The following PDZK1 variants were observed in gnomAD, a reference collection of about 807,000 sequenced individuals.
PDZK1 encodes the protein Na(+)/H(+) exchange regulatory cofactor NHE-RF3.
In PDZK1, 23 loss-of-function variants were observed where a neutral mutation model predicts 38.1. The observed-to-expected ratio is 0.60, with a 90% CI of 0.43 to 0.85. The LOEUF (loss-of-function observed/expected upper bound fraction) is 0.85, where lower values mean the gene tolerates loss of function less well. PDZK1 is among the 40% of genes least tolerant of loss of function. The pLI is 0.00. For synonymous variants in PDZK1, 98 were observed against 186.2 expected (o/e 0.53, Z 3.86); for missense variants, 297 against 504.3 (o/e 0.59, Z 3.94).
rs1298919007 is a variant in PDZK1, at chr1:145,685,733, AAC to A, written c.460+742_460+743del. Among the ~76,000 whole-genome samples the A allele has an allele frequency of 2.6e-5, 4 of 152,222 alleles. No individual in the cohort carries two copies. In the East Asian group the frequency reaches 7.7e-4, roughly 29 times the overall value. Reference sequence around the variant, plus strand: ...GTGTTCAAGAAGGAATTGACCAGCTAACACAGCTCCTCTGGTTCCAACCAATA... The same window carrying A: ...GTGTTCAAGAAGGAATTGACCAGCTAACAGCTCCTCTGGTTCCAACCAATA... On this transcript the variant is annotated intron_variant, in intron 3 of 8. Coordinates refer to ENST00000417171, the MANE Select transcript of PDZK1 (RefSeq NM_001201325.2).
At chr1:145,676,395 C>T (rs1553699264) in intron 6 of PDZK1, among the ~76,000 whole-genome samples, 1 of 151,922 alleles carries the variant, frequency 6.6e-6, no homozygotes, top group East Asian at 1.9e-4. Flanking sequence ...CAAAAGCTAG[C>T]TCCCTATGGC....
intron 1 of PDZK1, among the ~76,000 whole-genome samples, chr1:145,703,002 A>G (rs1252844033): frequency 6.6e-6 from 1 of 152,184 alleles, no homozygotes; most frequent in Non-Finnish European, 1.5e-5. Context: ...ATGCATGGTC[A>G]CCCACACGAG....
chr1:145,689,691 C>G (rs1267609784), intron 1 of PDZK1, among the ~76,000 whole-genome samples: 1 of 152,194 alleles, frequency 6.6e-6, no homozygotes, highest in African/African-American at 2.4e-5. Flanking sequence ...CCTCTCATCA[C>G]AGTTCCCTAC....
At chr1:145,704,634 T>G (rs1176742878) in intron 1 of PDZK1, among the ~76,000 whole-genome samples, 1 of 152,190 alleles carries the variant, frequency 6.6e-6, no homozygotes, top group African/African-American at 2.4e-5. Context: ...GTGCTCATTT[T>G]CTTAATCACT....
chr1:145,703,577 A>G (rs2101940671), intron 1 of PDZK1, among the ~76,000 whole-genome samples: 1 of 152,052 alleles, frequency 6.6e-6, no homozygotes, highest in South Asian at 2.1e-4. Context: ...TCCACCATCT[A>G]CCCTGCCTCC....
chr1:145,677,778 A>G (rs868959272), intron 6 of PDZK1, among the ~76,000 whole-genome samples: 3 of 146,538 alleles, frequency 2.0e-5, no homozygotes, highest in Non-Finnish European at 4.4e-5. Flanking sequence ...TTTAGATTCT[A>G]CTATCATTGT....
In PDZK1 at chr1:145,673,899, GA is replaced by G. The variant is rs1444749602; in HGVS notation, c.991-19del. The stretch of plus-strand genomic sequence containing the variant: ...AAATGAGCCTTTTGAAAAATAAAGG[GA>G]AAAAACATTAACTTAGTTGTAACCA... On this transcript the variant is annotated intron_variant, in intron 6 of 8. Coordinates refer to ENST00000417171, the MANE Select transcript of PDZK1 (RefSeq NM_001201325.2). The G allele has an allele frequency of 7.1e-7, 1 of 1,410,930 alleles. No individual in the cohort carries two copies. Among genetic ancestry groups the G allele is most frequent in the African/African-American group, 1.5e-5 (1 of 66,470 alleles). 87.4% of individuals were successfully genotyped at this position (1,410,930 alleles called of 1,614,324 possible). A position where few individuals can be genotyped will look rare whatever the true frequency, so the allele number is the denominator to read the frequency against.
At chr1:145,673,380 C>G (rs1653289793) in intron 7 of PDZK1, among the ~76,000 whole-genome samples, 1 of 151,364 alleles carries the variant, frequency 6.6e-6, no homozygotes, top group South Asian at 2.1e-4. Flanking sequence ...ACAAATATGA[C>G]TGCCAATCAG....
intron 3 of PDZK1, among the ~76,000 whole-genome samples, chr1:145,684,207 C>CTTT (rs1162290584): frequency 1.7e-4 from 21 of 120,050 alleles, no homozygotes; most frequent in Admixed American, 5.1e-4. Flanking sequence ...GCATTTTTGG[C>CTTT]TTTTTTTTTT....
Position 145,671,405 on chromosome 1 carries a change from A to G in PDZK1, c.*31T>C. 1.9e-6 allele frequency: 3 copies of G among 1,604,296 alleles called. No homozygotes were observed. Among genetic ancestry groups the G allele is most frequent in the Admixed American group, 1.7e-5 (1 of 59,516 alleles). ...ATTAAATACCCAGAAACAGCTATCA[A>G]ATAAACAGCCAAAGCTATTACTTGT... On this transcript the variant is annotated 3_prime_UTR_variant, in exon 9 of 9. Transcript: ENST00000417171.
intron 1 of PDZK1, among the ~76,000 whole-genome samples, chr1:145,706,580 G>C: frequency 6.6e-6 from 1 of 152,126 alleles, no homozygotes; most frequent in East Asian, 1.9e-4. Context: ...TCTTCATAGC[G>C]AGTGAACCCT....
intron 1 of PDZK1, among the ~76,000 whole-genome samples, chr1:145,704,610 G>A (rs1405686349): frequency 6.6e-6 from 1 of 152,116 alleles, no homozygotes; most frequent in African/African-American, 2.4e-5. Context: ...CTAGAGTGCA[G>A]GTTTCCAATC....
chr1:145,685,851 T>C (rs1553701501), intron 3 of PDZK1, among the ~76,000 whole-genome samples: 1 of 152,168 alleles, frequency 6.6e-6, no homozygotes, highest in Non-Finnish European at 1.5e-5. Flanking sequence ...GGTCAGGGTT[T>C]CTCAAATCAC....
chr1:145,689,409 C>T (rs1655060188), intron 1 of PDZK1, among the ~76,000 whole-genome samples: 1 of 152,182 alleles, frequency 6.6e-6, no homozygotes. Context: ...TCATCCTGCC[C>T]CTCCTGTTGC....
At chr1:145,704,451 T>C (rs1553705420) in intron 1 of PDZK1, among the ~76,000 whole-genome samples, 1 of 152,194 alleles carries the variant, frequency 6.6e-6, no homozygotes, top group Non-Finnish European at 1.5e-5. Flanking sequence ...CCGGGGGTCA[T>C]GTAATAGCAA....
At chr1:145,694,038 A>G (rs1430978704) in intron 1 of PDZK1, among the ~76,000 whole-genome samples, 1 of 152,134 alleles carries the variant, frequency 6.6e-6, no homozygotes, top group African/African-American at 2.4e-5. Context: ...CACAACCTGC[A>G]ATCTGTTCCT....
intron 6 of PDZK1, among the ~76,000 whole-genome samples, chr1:145,677,632 C>T (rs1653813512): frequency 6.6e-6 from 1 of 151,654 alleles, no homozygotes; most frequent in Non-Finnish European, 1.5e-5. Context: ...AATTTGGGTT[C>T]AGATACCACC....
chr1:145,686,467 A>G lies in PDZK1; in HGVS notation c.460+10T>C. On this transcript the variant is annotated intron_variant, in intron 3 of 8. Transcript: ENST00000417171. The stretch of plus-strand genomic sequence containing the variant: ...CCCCTGCCTCCCCCTGCTCCCCAAA[A>G]AATTCTCACCTTGGACAGTTTTCAG... 1.2e-6 allele frequency: 2 copies of G among 1,611,410 alleles called. No homozygotes were observed. Among genetic ancestry groups the G allele is most frequent in the Non-Finnish European group, 1.7e-6 (2 of 1,179,602 alleles).
intron 1 of PDZK1, among the ~76,000 whole-genome samples, chr1:145,699,088 A>C (rs748507731): frequency 3.3e-4 from 50 of 152,108 alleles, no homozygotes; most frequent in South Asian, 1.0e-3. Context: ...AAATACAAAA[A>C]TTAGCCAGGC....
Sources: allele counts gnomAD v4.1 joint callset (sites outside exome capture counted in the v4.1 genomes callset), GRCh38; gene constraint gnomAD v4.1.1; transcripts MANE v1.5; gene names NCBI Gene and HGNC (gene_info 2026-07-23, HGNC 2026-07-21).